Variants in ZNF532 observed in about 807,000 individuals in gnomAD.
ZNF532 encodes the protein zinc finger protein 532.
In ZNF532, 22 loss-of-function variants were observed where a neutral mutation model predicts 89.3. The observed-to-expected ratio is 0.25, with a 90% CI of 0.18 to 0.35. The LOEUF (loss-of-function observed/expected upper bound fraction) is 0.35, where lower values mean the gene tolerates loss of function less well. ZNF532 is among the 10% of genes least tolerant of loss of function. ZNF532 has a pLI of 1.00. For missense variants in ZNF532, 1,132 were observed against 1,643.4 expected, an observed-to-expected ratio of 0.69 and a Z score of 5.38; for synonymous variants, 606 against 649.6, an observed-to-expected ratio of 0.93 and a Z score of 1.02.
chr18:58,906,080 C>T (rs185251337), intron 2 of ZNF532, among the ~76,000 whole-genome samples: 2 of 152,234 alleles, frequency 1.3e-5, no homozygotes, highest in East Asian at 3.9e-4. Flanking sequence ...TTGATGCTGA[C>T]CTTGACCACC....
intron 3 of ZNF532, among the ~76,000 whole-genome samples, chr18:58,927,263 C>A (rs1157515201): frequency 6.6e-6 from 1 of 152,188 alleles, no homozygotes; most frequent in Non-Finnish European, 1.5e-5. Context: ...TTGGGACAGA[C>A]AGCTCATTAC....
At chr18:58,944,198 C>T (rs369552412) in intron 5 of ZNF532, among the ~76,000 whole-genome samples, 3 of 152,162 alleles carry the variant, frequency 2.0e-5, no homozygotes, top group East Asian at 1.9e-4. Context: ...AGGTTTATGG[C>T]AGCAATTTCA....
At chr18:58,897,134 G>T (rs1165736605) in intron 2 of ZNF532, among the ~76,000 whole-genome samples, 2 of 151,954 alleles carry the variant, frequency 1.3e-5, no homozygotes, top group African/African-American at 4.8e-5. Context: ...TAGCAGGGGT[G>T]GGGGGGATTG....
intron 2 of ZNF532, 132 bp from the exon 3 acceptor site, chr18:58,918,139 A>G (rs975840445): frequency 1.3e-6 from 1 of 780,418 alleles, no homozygotes; most frequent in Non-Finnish European, 2.0e-6. Flanking sequence ...AGAGTTTCGT[A>G]GTTACCGTAA....
rs200442974 is a variant in ZNF532 at position 58,918,788 on chromosome 18, G to A, written c.501G>A (p.Ser167=). Reference sequence around the variant, plus strand: ...TCAGGTCGAATGTGTTGACGGGGTCGGCTCCCCAGCAGGACTACGATAAGC... The same window carrying A: ...TCAGGTCGAATGTGTTGACGGGGTCAGCTCCCCAGCAGGACTACGATAAGC... The part of the protein sequence containing the change: ...SSFRSNVLTG[S]APQQDYDKLK... The change falls in exon 3 of 10, where the codon TCG becomes TCA. Residue 167 remains serine, a synonymous_variant. Transcript: ENST00000591808. 11 of 1,614,148 alleles carry A rather than the reference G, an allele frequency of 6.8e-6. No individual in the cohort carries two copies. Among genetic ancestry groups the A allele is most frequent in the East Asian group, 6.7e-5 (3 of 44,876 alleles).
In ZNF532 at chr18:58,891,565, C is replaced by T. The variant is rs188245821; in HGVS notation, c.-18+25986C>T. Among the ~76,000 whole-genome samples, 700 of 150,500 alleles carry T rather than the reference C, an allele frequency of 4.7e-3. 6 individuals carry two copies. Among genetic ancestry groups the T allele is most frequent in the African/African-American group, 0.016 (664 of 40,766 alleles). On this transcript the variant is annotated intron_variant, in intron 2 of 9. Coordinates refer to ENST00000591808, the MANE Select transcript of ZNF532 (RefSeq NM_001375912.1). ...ATGAAACCTGGGACGCTTGTACTTACGAACATTTAAAAAAATCAGGTAAAA... is the reference window on the plus strand; with the variant it reads ...ATGAAACCTGGGACGCTTGTACTTATGAACATTTAAAAAAATCAGGTAAAA...
intron 2 of ZNF532, among the ~76,000 whole-genome samples, chr18:58,888,745 A>ATAAAT (rs2058540012): frequency 2.1e-5 from 1 of 47,122 alleles, no homozygotes; most frequent in African/African-American, 1.2e-4. Flanking sequence ...TATATATTTT[A>ATAAAT]TATATATATA....
chr18:58,983,157 C>T (rs184040075), intron 9 of ZNF532, among the ~76,000 whole-genome samples: 20 of 152,106 alleles, frequency 1.3e-4, no homozygotes, highest in Non-Finnish European at 2.2e-4. Context: ...GTCATGGCCA[C>T]GTGTGAAGGT....
Position 58,982,001 on chromosome 18 carries a change from CAAAAAAAA to C in ZNF532, c.3411+397_3411+404del, listed in dbSNP as rs60019659. Among the ~76,000 whole-genome samples, 5 of 83,312 alleles carry C rather than the reference CAAAAAAAA, an allele frequency of 6.0e-5. No individual in the cohort carries two copies. The Admixed American group carries it at 6.8e-4, about 11-fold the overall frequency. 54.7% of individuals were successfully genotyped at this position (83,312 alleles called of 152,430 possible). A position where few individuals can be genotyped will look rare whatever the true frequency, so the allele number is the denominator to read the frequency against. On this transcript the variant is annotated intron_variant, in intron 9 of 9. Transcript: ENST00000591808. The stretch of plus-strand genomic sequence containing the variant: ...CCCAGGCGACAGTGCGAGACTCTCC[CAAAAAAAA>C]AAAAAAAAAAAATCAGACCACACTG...
intron 3 of ZNF532, among the ~76,000 whole-genome samples, chr18:58,923,167 C>T (rs1455940984): frequency 6.6e-6 from 1 of 151,974 alleles, no homozygotes; most frequent in African/African-American, 2.4e-5. Context: ...CGTTTTGCAG[C>T]CATCCACTCA....
rs1224762074 is a variant in ZNF532 at position 58,886,872 on chromosome 18, A to G, written c.-18+21293A>G. ...GAAGAGTAGGTTTTTTTCTATATGG[A>G]TTTTTAGAATTTATTGGTTGTGGGT... On this transcript the variant is annotated intron_variant, in intron 2 of 9. Coordinates refer to ENST00000591808, the MANE Select transcript of ZNF532 (RefSeq NM_001375912.1). Among the ~76,000 whole-genome samples the G allele has an allele frequency of 2.0e-5, 3 of 152,004 alleles. No homozygotes were observed. The East Asian group carries it at 5.8e-4, about 29-fold the overall frequency.
chr18:58,895,886 T>C (rs140469530), intron 2 of ZNF532, among the ~76,000 whole-genome samples: 1 of 151,742 alleles, frequency 6.6e-6, no homozygotes, highest in African/African-American at 2.4e-5. Flanking sequence ...GGTCTCACTC[T>C]GTCGACGAGG....
chr18:58,984,630 G>C lies in ZNF532; in HGVS notation c.*164G>C, dbSNP rs1395611719. 3 of 759,298 alleles carry C rather than the reference G, an allele frequency of 4.0e-6. No individual in the cohort carries two copies. Among genetic ancestry groups the C allele is most frequent in the Non-Finnish European group, 6.2e-6 (3 of 485,748 alleles). The allele number at this position is 759,298 out of a possible 1,614,324, so 47.0% of individuals were successfully genotyped here. A position where few individuals can be genotyped will look rare whatever the true frequency, so the allele number is the denominator to read the frequency against. ...ACCTCGTCGTATATATCCTCGATAAGTATTAAAACAGTATTTGAGTTTAAA... is the reference window on the plus strand; with the variant it reads ...ACCTCGTCGTATATATCCTCGATAACTATTAAAACAGTATTTGAGTTTAAA... On this transcript the variant is annotated 3_prime_UTR_variant, in exon 10 of 10. Coordinates refer to ENST00000591808, the MANE Select transcript of ZNF532 (RefSeq NM_001375912.1).
At chr18:58,897,903 G>A (rs1344295879) in intron 2 of ZNF532, among the ~76,000 whole-genome samples, 1 of 152,182 alleles carries the variant, frequency 6.6e-6, no homozygotes, top group Non-Finnish European at 1.5e-5. Flanking sequence ...AGTGAGCCGA[G>A]ACCATGCTAC....
At chr18:58,904,817 C>G (rs1470656730) in intron 2 of ZNF532, among the ~76,000 whole-genome samples, 1 of 150,600 alleles carries the variant, frequency 6.6e-6, no homozygotes, top group Non-Finnish European at 1.5e-5. Flanking sequence ...AGAATGCAAA[C>G]TTTTGAAATT....
chr18:58,914,263 C>CT (rs1046897743), intron 2 of ZNF532, among the ~76,000 whole-genome samples: 2 of 152,140 alleles, frequency 1.3e-5, no homozygotes, highest in South Asian at 2.1e-4. Flanking sequence ...TTTCAATTTC[C>CT]TTTTTTGTAA....
At chr18:58,879,223 G>A (rs1204361589) in intron 2 of ZNF532, among the ~76,000 whole-genome samples, 3 of 152,176 alleles carry the variant, frequency 2.0e-5, no homozygotes, top group Admixed American at 6.5e-5. Flanking sequence ...TGGCCAAGGC[G>A]TTCCTCATTG....
intron 7 of ZNF532, among the ~76,000 whole-genome samples, chr18:58,970,804 C>A (rs1418871014): frequency 6.6e-6 from 1 of 152,250 alleles, no homozygotes; most frequent in East Asian, 1.9e-4. Flanking sequence ...CCCCACTGGC[C>A]AGTGGAGGTG....
intron 3 of ZNF532, among the ~76,000 whole-genome samples, chr18:58,928,544 TG>T (rs542645294): frequency 8.0e-4 from 122 of 152,274 alleles, no homozygotes; most frequent in African/African-American, 2.9e-3. Flanking sequence ...GTACACGATC[TG>T]GGCCAGGAAC....
Sources: allele counts gnomAD v4.1 joint callset (sites outside exome capture counted in the v4.1 genomes callset), GRCh38; gene constraint gnomAD v4.1.1; transcripts MANE v1.5; gene names NCBI Gene and HGNC (gene_info 2026-07-23, HGNC 2026-07-21).